GLDC: variants seen among roughly 807,000 people sequenced by gnomAD.
GLDC encodes the protein glycine decarboxylase, also known as glycine dehydrogenase (decarboxylating), mitochondrial.
In GLDC, 104 loss-of-function variants were observed where a neutral mutation model predicts 121.3. The observed-to-expected ratio is 0.86, with a 90% CI of 0.73 to 1.01. GLDC has a LOEUF of 1.01. Among genes scored for constraint, GLDC ranks in the 50% least tolerant of loss-of-function variants. The pLI, the probability that GLDC is intolerant of heterozygous loss-of-function variation, is 0.00. For missense variants in GLDC, 1,429 were observed against 1,306.6 expected, an observed-to-expected ratio of 1.09 and a Z score of -1.44; for synonymous variants, 546 against 480.6, an observed-to-expected ratio of 1.14 and a Z score of -1.78.
intron 15 of GLDC, among the ~76,000 whole-genome samples, chr9:6,578,139 TC>T (rs1189387022): frequency 2.0e-5 from 3 of 151,952 alleles, no homozygotes; most frequent in Admixed American, 1.3e-4. Flanking sequence ...TCTTTTTTTT[TC>T]GAGACAGGAT....
At chr9:6,623,562 C>T (rs1819166094) in intron 2 of GLDC, among the ~76,000 whole-genome samples, 1 of 151,170 alleles carries the variant, frequency 6.6e-6, no homozygotes, top group Non-Finnish European at 1.5e-5. Context: ...CACTATTGTC[C>T]TATGACCCTG....
At chr9:6,615,902 C>T (rs890675027) in intron 3 of GLDC, among the ~76,000 whole-genome samples, 2 of 151,840 alleles carry the variant, frequency 1.3e-5, no homozygotes, top group Middle Eastern at 3.5e-3. Flanking sequence ...CGTGAGCCAC[C>T]GCACCTGGCC....
chr9:6,611,551 G>A (rs1191551689), intron 3 of GLDC, among the ~76,000 whole-genome samples: 17 of 81,316 alleles, frequency 2.1e-4, no homozygotes, highest in South Asian at 8.5e-4. Context: ...GCAAGACTCC[G>A]TCTCAAAAAA....
At chr9:6,551,588 G>C (rs1024795782) in intron 20 of GLDC, among the ~76,000 whole-genome samples, 1 of 152,176 alleles carries the variant, frequency 6.6e-6, no homozygotes, top group Non-Finnish European at 1.5e-5. Flanking sequence ...AACAACAGTA[G>C]TACTTTGGTA....
At chr9:6,607,537 G>A (rs933622058) in intron 4 of GLDC, among the ~76,000 whole-genome samples, 9 of 152,052 alleles carry the variant, frequency 5.9e-5, no homozygotes, top group African/African-American at 2.2e-4. Flanking sequence ...AGCCAAGATC[G>A]CCTCACTGCA....
At chr9:6,604,509 T>G in intron 7 of GLDC, 79 bp downstream of exon 7, 2 of 1,294,812 alleles carry the variant, frequency 1.5e-6, no homozygotes, top group Non-Finnish European at 2.2e-6. Context: ...TGAATTCAGA[T>G]AGAAATCAAC....
intron 3 of GLDC, among the ~76,000 whole-genome samples, chr9:6,612,923 C>T (rs753392639): frequency 2.0e-5 from 3 of 151,932 alleles, no homozygotes; most frequent in African/African-American, 4.8e-5. Flanking sequence ...GCCATGATCA[C>T]GCCTCTGCAC....
At chr9:6,579,450 A>G (rs1818133280) in intron 15 of GLDC, among the ~76,000 whole-genome samples, 1 of 152,044 alleles carries the variant, frequency 6.6e-6, no homozygotes, top group South Asian at 2.1e-4. Flanking sequence ...TTGTTTTGGA[A>G]TATTTCCTCC....
At chr9:6,594,959 CTCAAATTTATCAATTTTAT>C in intron 9 of GLDC, 36 bp downstream of exon 9, 1 of 1,084,366 alleles carries the variant, frequency 9.2e-7, no homozygotes, top group Non-Finnish European at 1.4e-6. Context: ...TTCAATTTTA[CTCAAATTTATCAATTTTAT>C]TATGCCCAAA....
At chr9:6,644,717 GA>G in intron 1 of GLDC, 25 bp from the exon 2 acceptor site, 1 of 1,530,076 alleles carries the variant, frequency 6.5e-7, no homozygotes, top group Non-Finnish European at 9.1e-7. Flanking sequence ...CAAGGCAGAG[GA>G]AAGTGCCTCT....
rs762780926 is a variant in GLDC, at chr9:6,588,413, C to T, written c.1695G>A (p.Ser565=). 1.7e-5 allele frequency: 28 copies of T among 1,611,766 alleles called. No individual in the cohort carries two copies. The highest frequency in any genetic ancestry group is 5.5e-5 in the South Asian group (5 of 91,024). The change falls in exon 14 of 25, where the codon TCG becomes TCA. Residue 565 remains serine, a synonymous_variant. Coordinates refer to ENST00000321612, the MANE Select transcript of GLDC (RefSeq NM_000170.3). The stretch of plus-strand genomic sequence containing the variant: ...GTGAGCTACTTACTGCGAGTTCAGA[C>T]GAACTGTTCAGTTTCATGGTGCAGG... ...LGSCTMKLNS[S]SELAPITWKE...
At chr9:6,643,062 T>G (rs1819660314) in intron 2 of GLDC, among the ~76,000 whole-genome samples, 1 of 152,042 alleles carries the variant, frequency 6.6e-6, no homozygotes, top group Admixed American at 6.6e-5. Flanking sequence ...CACACCCGGC[T>G]AATTTTTGTA....
Position 6,540,139 on chromosome 9 carries a change from C to T in GLDC, c.2577G>A (p.Val859=), listed in dbSNP as rs935896982. ...RILFRGARGY[V]GHEFILDTRP... is the part of the protein sequence containing the mutation. ...TCGTGTCCAAAATAAATTCATGACC[C>T]ACATAACCTGTTCAGGAAAGTTGTT... Residue 859 remains valine, a synonymous_variant, in exon 22 of 25, where the codon GTG becomes GTA. Transcript: ENST00000321612. 3 of 1,607,088 alleles carry T rather than the reference C, an allele frequency of 1.9e-6. No homozygotes were observed. Among genetic ancestry groups the T allele is most frequent in the African/African-American group, 1.3e-5 (1 of 74,886 alleles).
At chr9:6,633,397 TC>T (rs2129991874) in intron 2 of GLDC, among the ~76,000 whole-genome samples, 1 of 152,266 alleles carries the variant, frequency 6.6e-6, no homozygotes, top group Non-Finnish European at 1.5e-5. Context: ...CTCCATCTCT[TC>T]TCTCTCTGGA....
intron 15 of GLDC, among the ~76,000 whole-genome samples, chr9:6,582,561 GGCTCAC>G (rs1194408778): frequency 6.6e-6 from 1 of 151,492 alleles, no homozygotes; most frequent in Non-Finnish European, 1.5e-5. Context: ...CGGGCGCGGT[GGCTCAC>G]GCCTGTAATC....
intron 15 of GLDC, 63 bp downstream of exon 15, chr9:6,587,073 TTTAAG>T (rs1818285699): frequency 7.5e-7 from 1 of 1,330,586 alleles, no homozygotes; most frequent in Non-Finnish European, 1.1e-6. Context: ...GTTCTAAGCC[TTTAAG>T]TTTTGTGGTG....
At chr9:6,579,749 C>T (rs891312321) in intron 15 of GLDC, among the ~76,000 whole-genome samples, 1 of 152,192 alleles carries the variant, frequency 6.6e-6, no homozygotes, top group East Asian at 1.9e-4. Flanking sequence ...AGTTGTATTG[C>T]TATAACTAGC....
chr9:6,611,768 C>A (rs1475295646), intron 3 of GLDC, among the ~76,000 whole-genome samples: 1 of 152,082 alleles, frequency 6.6e-6, no homozygotes, highest in Non-Finnish European at 1.5e-5. Context: ...ATATCTTGTG[C>A]CTGTCTTTAT....
At chr9:6,629,073 A>G (rs1469595521) in intron 2 of GLDC, among the ~76,000 whole-genome samples, 3 of 151,730 alleles carry the variant, frequency 2.0e-5, no homozygotes, top group East Asian at 3.9e-4. Context: ...TTTAGAATGA[A>G]TGCTTCCTCT....
Sources: gnomAD v4.1 joint callset for allele counts (sites outside exome capture counted in the v4.1 genomes callset) on GRCh38, gnomAD v4.1.1 for gene constraint, MANE v1.5 for transcripts, NCBI Gene and HGNC (gene_info 2026-07-23, HGNC 2026-07-21) for gene names.